Variants in MAPK4 observed in about 807,000 individuals in gnomAD.
The protein encoded by MAPK4 is Erk3-related.
A neutral mutation model predicts 47.7 loss-of-function variants in MAPK4; 22 were observed. The observed-to-expected ratio is 0.46, with a 90% CI of 0.33 to 0.66. MAPK4 has a LOEUF of 0.66. Among genes scored for constraint, MAPK4 ranks in the 30% least tolerant of loss-of-function variants. The probability of loss-of-function intolerance (pLI) is 0.02; values close to 1 mark genes in which losing one functional copy is unlikely to be tolerated. For missense variants in MAPK4, 736 were observed against 831.7 expected (o/e 0.88, Z 1.42); for synonymous variants, 390 against 365.7 (o/e 1.07, Z -0.76).
chr18:50,662,442 G>A (rs1284958922), intron 1 of MAPK4, among the ~76,000 whole-genome samples: 1 of 152,162 alleles, frequency 6.6e-6, no homozygotes, highest in Non-Finnish European at 1.5e-5. Context: ...AGCTCACCAT[G>A]CCAGTTTTGA....
At chr18:50,655,863 G>A (rs2043104435) in intron 1 of MAPK4, among the ~76,000 whole-genome samples, 1 of 152,120 alleles carries the variant, frequency 6.6e-6, no homozygotes, top group African/African-American at 2.4e-5. Flanking sequence ...CTTTCCATGT[G>A]GGTTGTACTG....
At chr18:50,699,639 T>C (rs1382637361) in intron 2 of MAPK4, among the ~76,000 whole-genome samples, 6 of 152,206 alleles carry the variant, frequency 3.9e-5, no homozygotes, top group African/African-American at 1.4e-4. Context: ...GGGCAAACTT[T>C]GCAGGTTAAG....
At chr18:50,720,385 A>T (rs1910871490) in intron 3 of MAPK4, among the ~76,000 whole-genome samples, 1 of 152,272 alleles carries the variant, frequency 6.6e-6, no homozygotes, top group South Asian at 2.1e-4. Flanking sequence ...CCAAGTATAA[A>T]TAATCATCCT....
At position 50,664,758 on chromosome 18, in the gene MAPK4, A is replaced by G. The variant is rs949687809; in HGVS notation, c.546+254A>G. Among the ~76,000 whole-genome samples, 3 of 152,170 alleles carry G rather than the reference A, an allele frequency of 2.0e-5. No individual in the cohort carries two copies. Among genetic ancestry groups the G allele is most frequent in the African/African-American group, 7.2e-5 (3 of 41,428 alleles). ...GTGCCTGCAGAAGCTGGACTAGACG[A>G]TCTCCAAAATTTCTTCCAGCTCTAA... On this transcript the variant is annotated intron_variant, in intron 2 of 5. Coordinates refer to ENST00000400384, the MANE Select transcript of MAPK4 (RefSeq NM_002747.4). This position sits in a 1 kb window ranked among gnomAD's most constrained non-coding sequence, Gnocchi z 6.0.
intron 1 of MAPK4, among the ~76,000 whole-genome samples, chr18:50,570,774 C>G (rs2042243016): frequency 6.6e-6 from 1 of 152,174 alleles, no homozygotes; most frequent in African/African-American, 2.4e-5. Flanking sequence ...CCCTTACTTT[C>G]CTCCAACTCT....
intron 1 of MAPK4, among the ~76,000 whole-genome samples, chr18:50,620,401 G>A (rs560530702): frequency 1.3e-5 from 2 of 152,302 alleles, no homozygotes; most frequent in South Asian, 4.2e-4. Flanking sequence ...ATAAAATGCA[G>A]ATTTTTAGTT....
At chr18:50,661,766 A>G (rs2043174297) in intron 1 of MAPK4, among the ~76,000 whole-genome samples, 1 of 152,214 alleles carries the variant, frequency 6.6e-6, no homozygotes, top group African/African-American at 2.4e-5. Context: ...ATTTCTTCCC[A>G]ATCTGAAATT....
At chr18:50,638,874 C>T (rs1168979993) in intron 1 of MAPK4, among the ~76,000 whole-genome samples, 1 of 152,168 alleles carries the variant, frequency 6.6e-6, no homozygotes, top group Non-Finnish European at 1.5e-5. Flanking sequence ...TTTGATTATC[C>T]TGTTCTTCAG....
chr18:50,689,468 G>C (rs1909090756), intron 2 of MAPK4, among the ~76,000 whole-genome samples: 1 of 151,944 alleles, frequency 6.6e-6, no homozygotes, highest in Admixed American at 6.6e-5. Flanking sequence ...TCATGCGCTG[G>C]TGTTCCACCT....
chr18:50,652,728 A>C (rs2043063946), intron 1 of MAPK4, among the ~76,000 whole-genome samples: 1 of 152,164 alleles, frequency 6.6e-6, no homozygotes, highest in Non-Finnish European at 1.5e-5. Context: ...CTTCCAGTCA[A>C]ACATCAAACA....
At position 50,706,457 on chromosome 18, in the gene MAPK4, GTT is replaced by G. The variant is rs762283107; in HGVS notation, c.547-8608_547-8607del. Among the ~76,000 whole-genome samples the G allele has an allele frequency of 3.6e-5, 5 of 140,300 alleles. No individual in the cohort carries two copies. In the Admixed American group the frequency reaches 3.6e-4, roughly 10 times the overall value. 92.0% of individuals were successfully genotyped at this position (140,300 alleles called of 152,430 possible). On this transcript the variant is annotated intron_variant, in intron 2 of 5. Coordinates refer to ENST00000400384, the MANE Select transcript of MAPK4 (RefSeq NM_002747.4). ...GGCACAGCAGGAGTCCTGAACGTCA[GTT>G]TTTTTTTTTTTTTAAGTTCCCTAGG... is the stretch of plus-strand genomic sequence containing the variant.
chr18:50,618,734 A>G (rs1033423553), intron 1 of MAPK4, among the ~76,000 whole-genome samples: 4 of 152,210 alleles, frequency 2.6e-5, no homozygotes, highest in African/African-American at 9.6e-5. Context: ...ATTAGACACC[A>G]TCTACAAGCT....
intron 3 of MAPK4, among the ~76,000 whole-genome samples, chr18:50,717,260 T>C (rs1269390157): frequency 6.6e-6 from 1 of 151,988 alleles, no homozygotes; most frequent in Non-Finnish European, 1.5e-5. Context: ...AGTATCAGAG[T>C]GGCAGACGCT....
intron 1 of MAPK4, among the ~76,000 whole-genome samples, chr18:50,570,225 A>G (rs2042237744): frequency 6.6e-6 from 1 of 152,262 alleles, no homozygotes; most frequent in African/African-American, 2.4e-5. Context: ...GCAGCTGGAA[A>G]GCAGAAGTTG....
intron 1 of MAPK4, among the ~76,000 whole-genome samples, chr18:50,578,953 G>A (rs1175809239): frequency 6.6e-6 from 1 of 152,172 alleles, no homozygotes; most frequent in South Asian, 2.1e-4. Flanking sequence ...GGAGCAGCAT[G>A]GGCAGAGGTG....
intron 1 of MAPK4, among the ~76,000 whole-genome samples, chr18:50,571,551 C>T (rs979155697): frequency 2.1e-4 from 32 of 152,252 alleles, no homozygotes; most frequent in Admixed American, 1.8e-3. Flanking sequence ...TTAATTCCTC[C>T]AGCATGATTC....
At chr18:50,641,631 C>T (rs1214544671) in intron 1 of MAPK4, among the ~76,000 whole-genome samples, 3 of 152,050 alleles carry the variant, frequency 2.0e-5, no homozygotes, top group Non-Finnish European at 4.4e-5. Flanking sequence ...CTCTTTTTAA[C>T]TTAAAAATAA....
At chr18:50,660,740 G>A (rs748816337) in intron 1 of MAPK4, among the ~76,000 whole-genome samples, 2 of 152,176 alleles carry the variant, frequency 1.3e-5, no homozygotes, top group Non-Finnish European at 2.9e-5. Flanking sequence ...ACAAATGGGG[G>A]TGGTGGGGAA....
At chr18:50,595,815 G>A (rs549850425) in intron 1 of MAPK4, among the ~76,000 whole-genome samples, 48 of 152,278 alleles carry the variant, frequency 3.2e-4, no homozygotes, top group African/African-American at 6.3e-4. Flanking sequence ...CTGAAATTAC[G>A]TTAGCTGTGT....
Sources: gnomAD v4.1 joint callset for allele counts (sites outside exome capture counted in the v4.1 genomes callset) on GRCh38, gnomAD v4.1.1 for gene constraint, Gnocchi (gnomAD v3.1) non-coding constraint, MANE v1.5 for transcripts, NCBI Gene and HGNC (gene_info 2026-07-23, HGNC 2026-07-21) for gene names.